Variants in GOLIM4 observed in about 807,000 individuals in gnomAD.
GOLIM4 encodes golgi integral membrane protein 4.
Under a neutral mutation model 107.4 loss-of-function variants are expected in GOLIM4, and 71 were observed. The observed-to-expected ratio is 0.66, with a 90% confidence interval of 0.55 to 0.81. GOLIM4 has a LOEUF of 0.81. GOLIM4 is among the 30% of genes least tolerant of loss of function. The pLI, the probability that GOLIM4 is intolerant of heterozygous loss-of-function variation, is 0.00. For synonymous variants in GOLIM4, 327 were observed against 294.8 expected (o/e 1.11, Z -1.12); for missense variants, 830 against 826.1 (o/e 1.00, Z -0.06).
Position 168,009,543 on chromosome 3 carries a change from T to C in GOLIM4, c.*726A>G, listed in dbSNP as rs1716873306. ...CTTCCAAAAGGTGAATATGTTGATG[T>C]GTCCATACCTTGTTTGAACACTGCA... On this transcript the variant is annotated 3_prime_UTR_variant, in exon 16 of 16. Transcript: ENST00000470487. 6.6e-6 allele frequency: 1 copy of C among 151,968 alleles called. No individual in the cohort carries two copies. The highest frequency in any genetic ancestry group is 2.1e-4 in the South Asian group (1 of 4,826). 9.4% of individuals were successfully genotyped at this position (151,968 alleles called of 1,614,324 possible).
intron 14 of GOLIM4, among the ~76,000 whole-genome samples, chr3:168,016,897 T>G: frequency 2.3e-5 from 3 of 131,582 alleles, no homozygotes; most frequent in African/African-American, 8.3e-5. Flanking sequence ...TGTGGTGGGG[T>G]GGAGGGAGGG....
In GOLIM4 at chr3:168,049,558, G is replaced by A. The variant is rs755510514; in HGVS notation, c.188-1193C>T. 2.0e-5 allele frequency among the ~76,000 whole-genome samples: 3 copies of A among 152,240 alleles called. No homozygotes were observed. In the East Asian group the frequency reaches 5.8e-4, roughly 29 times the overall value. ...TCATTCTTGGCAGGCTAAGCCAAAC[G>A]TGTTACTCCATTCTTTGGCCAGTCA... On this transcript the variant is annotated intron_variant, in intron 1 of 15. Transcript: ENST00000470487.
intron 7 of GOLIM4, 42 bp from the exon 8 acceptor site, chr3:168,037,036 G>C (rs1365754685): frequency 6.8e-7 from 1 of 1,469,274 alleles, no homozygotes; most frequent in East Asian, 2.3e-5. Flanking sequence ...ATCTATGAAT[G>C]CCCATTCATA....
chr3:168,064,179 T>C (rs903890114), intron 1 of GOLIM4, among the ~76,000 whole-genome samples: 3 of 152,232 alleles, frequency 2.0e-5, no homozygotes, highest in Non-Finnish European at 4.4e-5. Flanking sequence ...CCACAGGCCA[T>C]AGGCATATCT....
At chr3:168,011,033 G>A (rs1716981951) in intron 14 of GOLIM4, among the ~76,000 whole-genome samples, 1 of 152,220 alleles carries the variant, frequency 6.6e-6, no homozygotes, top group African/African-American at 2.4e-5. Context: ...AAATGTATAA[G>A]GGAGGAGCCA....
rs371242414 is a variant in GOLIM4, at chr3:168,067,583, G to A, written c.188-19218C>T. Among the ~76,000 whole-genome samples the A allele has an allele frequency of 1.2e-4, 18 of 149,498 alleles. No individual in the cohort carries two copies. In the East Asian group the frequency reaches 2.9e-3, roughly 24 times the overall value. On this transcript the variant is annotated intron_variant, in intron 1 of 15. Coordinates refer to ENST00000470487, the MANE Select transcript of GOLIM4 (RefSeq NM_014498.5). Reference sequence around the variant, plus strand: ...AAAAAAATACATGAGATAGAACGGCGTATTTTATTCTGTGTATTTTGTTTT... The same window carrying A: ...AAAAAAATACATGAGATAGAACGGCATATTTTATTCTGTGTATTTTGTTTT...
intron 1 of GOLIM4, among the ~76,000 whole-genome samples, chr3:168,069,976 T>C (rs1432615265): frequency 6.6e-6 from 1 of 152,078 alleles, no homozygotes; most frequent in Non-Finnish European, 1.5e-5. Flanking sequence ...TACTCTAACT[T>C]GTTTTCCTAG....
intron 1 of GOLIM4, among the ~76,000 whole-genome samples, chr3:168,094,637 C>T (rs1320505275): frequency 6.6e-6 from 1 of 152,176 alleles, no homozygotes. Flanking sequence ...CCTTGAAAAA[C>T]AGCACAGTTT....
At chr3:168,067,652 A>T (rs979033893) in intron 1 of GOLIM4, among the ~76,000 whole-genome samples, 1 of 152,158 alleles carries the variant, frequency 6.6e-6, no homozygotes, top group African/African-American at 2.4e-5. Context: ...ACTGAAACAC[A>T]CTAAATGTTA....
At chr3:168,094,332 G>T (rs1195958786) in intron 1 of GOLIM4, among the ~76,000 whole-genome samples, 1 of 152,198 alleles carries the variant, frequency 6.6e-6, no homozygotes, top group Non-Finnish European at 1.5e-5. Flanking sequence ...ATGGCAAAGT[G>T]AAAACCTGTG....
At chr3:168,086,410 TA>T (rs1721622969) in intron 1 of GOLIM4, among the ~76,000 whole-genome samples, 1 of 152,204 alleles carries the variant, frequency 6.6e-6, no homozygotes, top group Non-Finnish European at 1.5e-5. Flanking sequence ...ATTTGCAGAT[TA>T]TTTTTTCTGT....
intron 5 of GOLIM4, among the ~76,000 whole-genome samples, chr3:168,042,702 C>G (rs1029471564): frequency 6.6e-6 from 1 of 152,222 alleles, no homozygotes; most frequent in Non-Finnish European, 1.5e-5. Flanking sequence ...TATTTTGTTT[C>G]ATATTACTAT....
chr3:168,018,635 GTGAC>G (rs1577504182), intron 14 of GOLIM4, among the ~76,000 whole-genome samples: 1 of 152,168 alleles, frequency 6.6e-6, no homozygotes, highest in East Asian at 1.9e-4. Flanking sequence ...GAACCTCATA[GTGAC>G]ATTCCACAGG....
intron 9 of GOLIM4, among the ~76,000 whole-genome samples, chr3:168,031,725 G>A (rs563217273): frequency 2.8e-4 from 42 of 152,194 alleles, no homozygotes; most frequent in Non-Finnish European, 4.9e-4. Context: ...AAAGCCTCAA[G>A]CGGCTTGAAG....
intron 1 of GOLIM4, among the ~76,000 whole-genome samples, chr3:168,067,427 A>AAC: frequency 6.6e-6 from 1 of 151,338 alleles, no homozygotes; most frequent in Non-Finnish European, 1.5e-5. Context: ...GGGGCCACCA[A>AAC]ACACACACGC....
At chr3:168,045,864 T>A (rs1008773197) in intron 3 of GOLIM4, among the ~76,000 whole-genome samples, 1 of 152,236 alleles carries the variant, frequency 6.6e-6, no homozygotes, top group Non-Finnish European at 1.5e-5. Flanking sequence ...CCTCCTGGGC[T>A]ATCCAAAGAA....
intron 1 of GOLIM4, among the ~76,000 whole-genome samples, chr3:168,064,960 GA>G (rs550221140): frequency 7.7e-4 from 110 of 143,314 alleles, no homozygotes; most frequent in Admixed American, 8.4e-4. Context: ...TCCCAGAAGG[GA>G]AAAAAAAAAA....
rs763704811 is a variant in GOLIM4, at chr3:168,036,862, C to T, written c.817G>A (p.Glu273Lys). ...TCCTGCACCTCTCGGGTTGGCTTCT[C>T]CCTTGCTGTGTTGTAACCTTGTGGA... ...HSPQGYNTAR[E>K]KPTREVQEVS... The change falls in exon 8 of 16, where the codon GAG (glutamate) becomes AAG (lysine). Residue 273 changes from glutamate to lysine, a missense_variant. Glu to Lys is a moderately conservative substitution (Grantham distance 56). Transcript: ENST00000470487. The T allele has an allele frequency of 5.6e-6, 9 of 1,613,570 alleles. No homozygotes were observed. In the East Asian group the frequency reaches 1.8e-4, roughly 32 times the overall value.
At chr3:168,068,118 C>T (rs918817770) in intron 1 of GOLIM4, among the ~76,000 whole-genome samples, 11 of 151,978 alleles carry the variant, frequency 7.2e-5, no homozygotes, top group Non-Finnish European at 1.2e-4. Flanking sequence ...TTAATGTATA[C>T]AATATCACTA....
Sources: allele counts gnomAD v4.1 joint callset (sites outside exome capture counted in the v4.1 genomes callset), GRCh38; gene constraint gnomAD v4.1.1; transcripts MANE v1.5; gene names NCBI Gene and HGNC (gene_info 2026-07-23, HGNC 2026-07-21).